TERF2: variants seen among roughly 807,000 people sequenced by gnomAD.
TERF2 encodes telomeric repeat binding factor 2.
Under a neutral mutation model 56.1 loss-of-function variants are expected in TERF2, and 16 were observed. That is an observed-to-expected ratio of 0.29 (90% CI 0.19 to 0.43). The LOEUF (loss-of-function observed/expected upper bound fraction) is 0.43. TERF2 is among the 20% of genes least tolerant of loss of function. TERF2 has a pLI of 1.00. For synonymous variants in TERF2, 296 were observed against 282.1 expected, an observed-to-expected ratio of 1.05 and a Z score of -0.50; for missense variants, 547 against 712.9, an observed-to-expected ratio of 0.77 and a Z score of 2.65.
intron 6 of TERF2, among the ~76,000 whole-genome samples, chr16:69,367,424 G>A (rs2013394256): frequency 6.6e-6 from 1 of 152,108 alleles, no homozygotes; most frequent in Admixed American, 6.5e-5. Flanking sequence ...ACAGTAGATA[G>A]GACAGAGAGA....
chr16:69,376,073 C>A (rs1364644442), intron 3 of TERF2, among the ~76,000 whole-genome samples: 3 of 152,082 alleles, frequency 2.0e-5, no homozygotes, highest in African/African-American at 4.8e-5. Flanking sequence ...TTGATTAAGT[C>A]CTATTCATCA....
chr16:69,367,894 A>G (rs2013410051), intron 6 of TERF2, among the ~76,000 whole-genome samples: 1 of 152,216 alleles, frequency 6.6e-6, no homozygotes, highest in African/African-American at 2.4e-5. Flanking sequence ...ACTCCCACAG[A>G]GCAACAACCA....
intron 7 of TERF2, among the ~76,000 whole-genome samples, chr16:69,364,639 CTGTA>C (rs2013272005): frequency 6.6e-6 from 1 of 152,018 alleles, no homozygotes; most frequent in Non-Finnish European, 1.5e-5. Context: ...TTTCTCATGC[CTGTA>C]TGTAAGGAGC....
chr16:69,381,079 AC>A (rs1381440996), intron 3 of TERF2, among the ~76,000 whole-genome samples: 1 of 152,154 alleles, frequency 6.6e-6, no homozygotes, highest in Non-Finnish European at 1.5e-5. Context: ...TGCTGGGATT[AC>A]AGGCGTGAGC....
chr16:69,373,610 T>A (rs2013656875), intron 3 of TERF2, among the ~76,000 whole-genome samples: 1 of 152,014 alleles, frequency 6.6e-6, no homozygotes, highest in African/African-American at 2.4e-5. Flanking sequence ...GGTGGGAGGA[T>A]CGCTTGAGCT....
chr16:69,376,485 C>CT (rs1754476183), intron 3 of TERF2, among the ~76,000 whole-genome samples: 1 of 151,998 alleles, frequency 6.6e-6, no homozygotes, highest in South Asian at 2.1e-4. Context: ...CAATATAACA[C>CT]TTTTTGGTTA....
intron 8 of TERF2, 80 bp downstream of exon 8, chr16:69,361,324 C>G (rs979790716): frequency 7.5e-5 from 75 of 1,000,774 alleles, no homozygotes; most frequent in Admixed American, 1.9e-4. Context: ...CAAGCAGCTT[C>G]TGGAATATTA....
At chr16:69,362,831 A>T (rs1014034529) in intron 7 of TERF2, among the ~76,000 whole-genome samples, 2 of 152,216 alleles carry the variant, frequency 1.3e-5, no homozygotes, top group Non-Finnish European at 2.9e-5. Flanking sequence ...AATTTATATA[A>T]ATCAAATGAC....
At chr16:69,368,347 C>T in intron 6 of TERF2, 29 bp downstream of exon 6, 1 of 1,608,230 alleles carries the variant, frequency 6.2e-7, no homozygotes, top group Non-Finnish European at 8.5e-7. Context: ...TAGTGTTTTA[C>T]CCAAGATCAC....
At chr16:69,358,886 T>A (rs914212075) in intron 8 of TERF2, among the ~76,000 whole-genome samples, 4 of 152,190 alleles carry the variant, frequency 2.6e-5, no homozygotes, top group Admixed American at 2.6e-4. Flanking sequence ...TTAGCTAACC[T>A]CTGCAAAAAA....
intron 7 of TERF2, among the ~76,000 whole-genome samples, chr16:69,363,961 G>A (rs1377046389): frequency 6.6e-6 from 1 of 151,974 alleles, no homozygotes; most frequent in African/African-American, 2.4e-5. Flanking sequence ...CAGCCCAGGT[G>A]ACAGAGCGAG....
intron 8 of TERF2, among the ~76,000 whole-genome samples, chr16:69,357,987 C>A (rs2012976927): frequency 6.8e-6 from 1 of 147,894 alleles, no homozygotes; most frequent in Admixed American, 6.7e-5. Context: ...TGACTACAGG[C>A]GCCCGCCACC....
At chr16:69,376,691 C>CAA (rs1003834288) in intron 3 of TERF2, among the ~76,000 whole-genome samples, 37 of 94,798 alleles carry the variant, frequency 3.9e-4, no homozygotes, top group African/African-American at 8.2e-4. Context: ...CCATCTTTAC[C>CAA]AAAAAAAAAA....
intron 3 of TERF2, among the ~76,000 whole-genome samples, chr16:69,382,957 AAGG>A (rs1015068576): frequency 5.3e-5 from 8 of 152,222 alleles, no homozygotes; most frequent in Admixed American, 6.5e-5. Context: ...GAGACTGGAA[AAGG>A]AGAACAGAGT....
chr16:69,356,223 C>T lies in TERF2; in HGVS notation c.*675G>A, dbSNP rs2012890460. 2.2e-6 allele frequency: 1 copy of T among 455,600 alleles called. No individual in the cohort carries two copies. The highest frequency in any genetic ancestry group is 2.0e-5 in the African/African-American group (1 of 50,062). The allele number at this position is 455,600 out of a possible 1,614,324, so 28.2% of individuals were successfully genotyped here. A position where few individuals can be genotyped will look rare whatever the true frequency, so the allele number is the denominator to read the frequency against. On this transcript the variant is annotated 3_prime_UTR_variant, in exon 10 of 10. Transcript: ENST00000254942. ...ATAATACTCACATTGCTGGTTTTAA[C>T]AGGTCATGGAGTCACAAGTGGCTCC...
Position 69,355,780 on chromosome 16 carries a change from G to A in TERF2, c.*1118C>T, listed in dbSNP as rs1015147111. The A allele has an allele frequency of 4.3e-5, 7 of 161,452 alleles. No individual in the cohort carries two copies. Among genetic ancestry groups the A allele is most frequent in the Admixed American group, 2.4e-4 (4 of 16,442 alleles). 10.0% of individuals were successfully genotyped at this position (161,452 alleles called of 1,614,324 possible). ...GCAAGACACGAACACAGCACAATTA[G>A]GGAATCAGGAGGAAGCAACCATTTC... On this transcript the variant is annotated 3_prime_UTR_variant, in exon 10 of 10. Transcript: ENST00000254942.
At chr16:69,359,475 G>T (rs573638625) in intron 8 of TERF2, among the ~76,000 whole-genome samples, 5 of 149,148 alleles carry the variant, frequency 3.4e-5, no homozygotes, top group Non-Finnish European at 5.9e-5. Flanking sequence ...TTGCGGTGAG[G>T]CAAGATCGCG....
intron 8 of TERF2, among the ~76,000 whole-genome samples, chr16:69,359,605 C>T (rs1217488128): frequency 8.6e-6 from 1 of 116,760 alleles, no homozygotes; most frequent in African/African-American, 3.1e-5. Flanking sequence ...ATTTTTTAAT[C>T]TTCCTCTTAC....
At chr16:69,380,618 C>G (rs2013961377) in intron 3 of TERF2, among the ~76,000 whole-genome samples, 1 of 148,442 alleles carries the variant, frequency 6.7e-6, no homozygotes, top group African/African-American at 2.5e-5. Context: ...GATCACGCCA[C>G]TATACTCCAG....
Sources: allele counts gnomAD v4.1 joint callset (sites outside exome capture counted in the v4.1 genomes callset), GRCh38; gene constraint gnomAD v4.1.1; transcripts MANE v1.5; gene names NCBI Gene and HGNC (gene_info 2026-07-23, HGNC 2026-07-21).